Variants in ST8SIA5 observed in about 807,000 individuals in gnomAD.
ST8SIA5 encodes ST8 alpha-N-acetyl-neuraminide alpha-2,8-sialyltransferase 5.
In ST8SIA5, 24 loss-of-function variants were observed where a neutral mutation model predicts 40.2. That is an observed-to-expected ratio of 0.60 (90% CI 0.43 to 0.84). The LOEUF (loss-of-function observed/expected upper bound fraction) is 0.84. ST8SIA5 is among the 40% of genes least tolerant of loss of function. The pLI is 0.00. For synonymous variants in ST8SIA5, 198 were observed against 201.8 expected, an observed-to-expected ratio of 0.98 and a Z score of 0.16; for missense variants, 465 against 498.5, an observed-to-expected ratio of 0.93 and a Z score of 0.64.
Position 46,680,447 on chromosome 18 carries a change from C to A in ST8SIA5, c.726G>T (p.Ala242=). The A allele has an allele frequency of 1.2e-6, 2 of 1,610,182 alleles. No individual in the cohort carries two copies. The highest frequency in any genetic ancestry group is 8.5e-7 in the Non-Finnish European group (1 of 1,178,030). ...TGTAGAAGGCAGGCAGCAGCACCGA[C>A]GCGTTCTCGTACACCTGCAGCACGC... ...FYRVLQVYEN[A]SVLLPAFYNT... The change falls in exon 7 of 7, where the codon GCG becomes GCT. Residue 242 remains alanine, a synonymous_variant. Coordinates refer to ENST00000315087, the MANE Select transcript of ST8SIA5 (RefSeq NM_013305.6).
At chr18:46,737,269 C>A (rs2040044170) in intron 1 of ST8SIA5, among the ~76,000 whole-genome samples, 2 of 152,172 alleles carry the variant, frequency 1.3e-5, no homozygotes, top group African/African-American at 4.8e-5. Context: ...TCCCACCCCG[C>A]CCCATTGCTG....
rs200781006 is a variant in ST8SIA5 at position 46,680,329 on chromosome 18, G to C, written c.844C>G (p.Leu282Val). Residue 282 changes from leucine (L) to valine (V), a missense_variant, in exon 7 of 7, where the codon CTG becomes GTG. Transcript: ENST00000315087. ...QAVYYFHPQY[L>V]VNVSRYWLSL... ...AGCCAGTAGCGCGACACGTTGACCA[G>C]GTACTGCGGATGGAAGTAGTAGACA... 54 of 1,614,250 alleles carry C rather than the reference G, an allele frequency of 3.3e-5. No individual in the cohort carries two copies. The African/African-American group carries it at 6.3e-4, about 19-fold the overall frequency.
At chr18:46,747,598 T>C (rs1182909074) in intron 1 of ST8SIA5, among the ~76,000 whole-genome samples, 2 of 152,114 alleles carry the variant, frequency 1.3e-5, no homozygotes, top group African/African-American at 2.4e-5. Context: ...TGTAGAGAAA[T>C]AGGAACACTT....
At chr18:46,686,544 AGCGGCTG>A (rs2039449970) in intron 4 of ST8SIA5, among the ~76,000 whole-genome samples, 1 of 152,184 alleles carries the variant, frequency 6.6e-6, no homozygotes, top group South Asian at 2.1e-4. Context: ...CCTGGCACAC[AGCGGCTG>A]GCAGACCTGC....
At chr18:46,731,102 A>C (rs923781648) in intron 1 of ST8SIA5, among the ~76,000 whole-genome samples, 2 of 152,220 alleles carry the variant, frequency 1.3e-5, no homozygotes, top group East Asian at 3.8e-4. Flanking sequence ...GTTTATCCGG[A>C]GAAGATGCAG....
chr18:46,700,279 T>A (rs1448929925), intron 2 of ST8SIA5, among the ~76,000 whole-genome samples: 1 of 152,260 alleles, frequency 6.6e-6, no homozygotes, highest in African/African-American at 2.4e-5. Context: ...TGTTCCCAGA[T>A]GAACCATACA....
chr18:46,723,630 T>C (rs1221357358), intron 1 of ST8SIA5, among the ~76,000 whole-genome samples: 1 of 151,370 alleles, frequency 6.6e-6, no homozygotes, highest in East Asian at 1.9e-4. Flanking sequence ...AAAAGACAAA[T>C]GAAAAAAGCA....
intron 1 of ST8SIA5, 55 bp downstream of exon 1, chr18:46,756,323 C>G (rs1383324097): frequency 6.3e-7 from 1 of 1,598,572 alleles, no homozygotes. Context: ...CCACTGCCAC[C>G]CGGGGGCTCG....
chr18:46,701,182 T>G (rs936067993), intron 2 of ST8SIA5, among the ~76,000 whole-genome samples: 11 of 141,014 alleles, frequency 7.8e-5, no homozygotes, highest in Admixed American at 1.5e-4. Flanking sequence ...GCTCTGTCAG[T>G]TATGCTGGAG....
At position 46,679,802 on chromosome 18, in the gene ST8SIA5, T is replaced by C; in HGVS notation, c.*240A>G. The stretch of plus-strand genomic sequence containing the variant: ...CCAGCAGCATGCTAGCCAGGGCAGG[T>C]GGACGCACTGGGCGGATGCACCGGT... On this transcript the variant is annotated 3_prime_UTR_variant, in exon 7 of 7. Coordinates refer to ENST00000315087, the MANE Select transcript of ST8SIA5 (RefSeq NM_013305.6). 1 of 551,110 alleles carries C rather than the reference T, an allele frequency of 1.8e-6. No homozygotes were observed. The highest frequency in any genetic ancestry group is 3.2e-6 in the Non-Finnish European group (1 of 309,234). 34.1% of individuals were successfully genotyped at this position (551,110 alleles called of 1,614,324 possible).
intron 1 of ST8SIA5, among the ~76,000 whole-genome samples, chr18:46,710,982 T>C (rs1568263611): frequency 6.6e-6 from 1 of 152,180 alleles, no homozygotes; most frequent in Non-Finnish European, 1.5e-5. Flanking sequence ...AAATCTCCAC[T>C]AGCCCTAGGT....
At chr18:46,751,291 G>C (rs988249214) in intron 1 of ST8SIA5, among the ~76,000 whole-genome samples, 12 of 152,162 alleles carry the variant, frequency 7.9e-5, no homozygotes, top group Admixed American at 3.3e-4. Context: ...CATCCATGTT[G>C]TAGCACATTT....
intron 1 of ST8SIA5, among the ~76,000 whole-genome samples, chr18:46,705,257 T>C (rs1454163478): frequency 6.6e-6 from 1 of 152,156 alleles, no homozygotes; most frequent in Non-Finnish European, 1.5e-5. Context: ...CTAGGTCTAC[T>C]TGCAGAACAG....
Position 46,680,203 on chromosome 18 carries a change from A to C in ST8SIA5, c.970T>G (p.Phe324Val). The C allele has an allele frequency of 1.2e-6, 2 of 1,614,220 alleles. No individual in the cohort carries two copies. Among genetic ancestry groups the C allele is most frequent in the Non-Finnish European group, 1.7e-6 (2 of 1,180,030 alleles). Residue 324 changes from phenylalanine (F) to valine (V), a missense_variant, in exon 7 of 7, where the codon TTC becomes GTC. Physicochemically the swap from Phe to Val is conservative, Grantham distance 50 (BLOSUM62 -1). Coordinates refer to ENST00000315087, the MANE Select transcript of ST8SIA5 (RefSeq NM_013305.6). The stretch of plus-strand genomic sequence containing the variant: ...TAGAGGCCCGAGGGGTTCATGGGGA[A>C]GGCCCAGAAGCCAAAGAGGTGCACC... ...EEVHLFGFWA[F>V]PMNPSGLYIT...
chr18:46,723,899 C>G (rs1223592538), intron 1 of ST8SIA5, among the ~76,000 whole-genome samples: 1 of 151,714 alleles, frequency 6.6e-6, no homozygotes, highest in Non-Finnish European at 1.5e-5. Context: ...GCACTCCAGC[C>G]TGGGTGACAA....
chr18:46,693,428 C>G (rs1568254224), intron 2 of ST8SIA5, among the ~76,000 whole-genome samples: 1 of 152,128 alleles, frequency 6.6e-6, no homozygotes, highest in African/African-American at 2.4e-5. Flanking sequence ...TGCCCCTTCT[C>G]CCTGAAAAAC....
intron 1 of ST8SIA5, among the ~76,000 whole-genome samples, chr18:46,725,968 A>AT (rs2039915052): frequency 5.8e-5 from 2 of 34,450 alleles, no homozygotes; most frequent in African/African-American, 1.4e-4. Flanking sequence ...TTAAAAAAAA[A>AT]AAAAATATAT....
intron 5 of ST8SIA5, 103 bp downstream of exon 5, chr18:46,686,071 G>T: frequency 9.3e-7 from 1 of 1,075,818 alleles, no homozygotes; most frequent in Non-Finnish European, 1.4e-6. Flanking sequence ...GGGGTGGGAA[G>T]TGGGGATTAC....
chr18:46,721,551 G>T lies in ST8SIA5; in HGVS notation c.132-16887C>A, dbSNP rs896503352. 3 of 1,141,990 alleles carry T rather than the reference G, an allele frequency of 2.6e-6. No homozygotes were observed. In the African/African-American group the frequency reaches 4.6e-5, roughly 17 times the overall value. 70.7% of individuals were successfully genotyped at this position (1,141,990 alleles called of 1,614,324 possible). A position where few individuals can be genotyped will look rare whatever the true frequency, so the allele number is the denominator to read the frequency against. On this transcript the variant is annotated intron_variant, in intron 1 of 6. Transcript: ENST00000315087. Reference sequence around the variant, plus strand: ...TACCAGAGAGCCACATTCTGTTGCTGTGCCCAAGTGACACATTGCCTTGGT... The same window carrying T: ...TACCAGAGAGCCACATTCTGTTGCTTTGCCCAAGTGACACATTGCCTTGGT...
Sources: allele counts gnomAD v4.1 joint callset (sites outside exome capture counted in the v4.1 genomes callset), GRCh38; gene constraint gnomAD v4.1.1; transcripts MANE v1.5; gene names NCBI Gene and HGNC (gene_info 2026-07-23, HGNC 2026-07-21).